IK: variants seen among roughly 807,000 people sequenced by gnomAD.
IK encodes the protein protein Red.
Under a neutral mutation model 90.9 loss-of-function variants are expected in IK, and 47 were observed. The observed-to-expected ratio is 0.52, with a 90% CI of 0.41 to 0.66. The LOEUF (loss-of-function observed/expected upper bound fraction) is 0.66. Ranked by LOEUF, IK falls within the 30% of genes least tolerant of loss-of-function variation. IK has a pLI of 0.00. For missense variants in IK, 385 were observed against 709.3 expected, an observed-to-expected ratio of 0.54 and a Z score of 5.19; for synonymous variants, 201 against 227.5, an observed-to-expected ratio of 0.88 and a Z score of 1.05.
Position 140,652,104 on chromosome 5 carries a change from A to G in IK, c.193A>G (p.Asn65Asp), listed in dbSNP as rs764096987. 37 of 1,613,508 alleles carry G rather than the reference A, an allele frequency of 2.3e-5. No homozygotes were observed. The highest frequency in any genetic ancestry group is 3.0e-5 in the Non-Finnish European group (35 of 1,179,586). ...CTCTTCTAGGATGCCAAGGGAGTAC[A>G]ATGAGGATGAAGACCCAGCTGCACG... ...SRHHEMPREY[N>D]EDEDPAARRR... The change falls in exon 4 of 20, where the codon AAT (asparagine) becomes GAT (aspartate). Residue 65 changes from asparagine to aspartate, a missense_variant. Coordinates refer to ENST00000417647, the MANE Select transcript of IK (RefSeq NM_006083.4).
chr5:140,648,670 G>A, intron 2 of IK, 133 bp downstream of exon 2: 1 of 876,748 alleles, frequency 1.1e-6, no homozygotes, highest in Non-Finnish European at 1.9e-6. Flanking sequence ...CTTTATCTCT[G>A]TGAGCCTTAA....
chr5:140,651,575 CA>C (rs35439932), intron 2 of IK, 138 bp from the exon 3 acceptor site: 22,460 of 445,838 alleles, frequency 0.05, no homozygotes, highest in South Asian at 0.073. Flanking sequence ...GACTCCGTCT[CA>C]AAAAAAAAAA....
At chr5:140,654,851 AGT>A (rs1282425929) in intron 8 of IK, 124 bp downstream of exon 8, 1 of 722,266 alleles carries the variant, frequency 1.4e-6, no homozygotes, top group African/African-American at 1.8e-5. Context: ...TTTTTGAGAC[AGT>A]GTCTCACTTA....
chr5:140,648,040 G>GTGTGTGTA (rs1368508401), intron 1 of IK, 116 bp downstream of exon 1: 5 of 763,252 alleles, frequency 6.6e-6, no homozygotes, highest in Middle Eastern at 2.9e-4. Flanking sequence ...GTGTGTGTGT[G>GTGTGTGTA]TGTGTATGTA....
intron 9 of IK, among the ~76,000 whole-genome samples, chr5:140,657,181 C>T (rs1398113713): frequency 9.9e-5 from 15 of 152,134 alleles, no homozygotes; most frequent in African/African-American, 2.4e-4. Flanking sequence ...CTAGCCTGGG[C>T]GACAGAATGA....
At chr5:140,648,180 C>T (rs774329678) in intron 1 of IK, 3 of 705,412 alleles carry the variant, frequency 4.3e-6, no homozygotes, top group Non-Finnish European at 7.8e-6. Flanking sequence ...GATCGCTTTC[C>T]CCCAGTCCTG....
chr5:140,658,637 C>A, intron 10 of IK, 100 bp from the exon 11 acceptor site: 1 of 1,030,868 alleles, frequency 9.7e-7, no homozygotes, highest in Non-Finnish European at 1.5e-6. Context: ...ACGTTTTAAA[C>A]AGAAGATGTT....
chr5:140,658,209 T>C (rs549903683), intron 10 of IK, among the ~76,000 whole-genome samples: 4 of 152,310 alleles, frequency 2.6e-5, no homozygotes, highest in African/African-American at 9.6e-5. Flanking sequence ...TTTCACTGTA[T>C]TGGCCTGGCT....
At position 140,658,949 on chromosome 5, in the gene IK, G is replaced by C. The variant is rs1244447241; in HGVS notation, c.961G>C (p.Asp321His). The C allele has an allele frequency of 6.2e-7, 1 of 1,613,772 alleles. No individual in the cohort carries two copies. Among genetic ancestry groups the C allele is most frequent in the Admixed American group, 1.7e-5 (1 of 59,994 alleles). ...PPEADMNIFE[D>H]IGDYVPSTTK... ...TCTCCATTTTCCCAGTATTTTTGAA[G>C]ACATTGGGGATTACGTACCCTCCAC... Residue 321 changes from aspartate to histidine, a missense_variant, in exon 12 of 20, where the codon GAC (aspartate) becomes CAC (histidine). Transcript: ENST00000417647.
At chr5:140,655,748 G>A in intron 8 of IK, 81 bp from the exon 9 acceptor site, 1 of 1,414,022 alleles carries the variant, frequency 7.1e-7, no homozygotes, top group South Asian at 1.3e-5. Flanking sequence ...CACTTGGCAT[G>A]GTGGCTAGCA....
Position 140,648,526 on chromosome 5 carries a change from C to T in IK, c.72C>T (p.His24=). Residue 24 remains histidine (H), a synonymous_variant, in exon 2 of 20, where the codon CAC becomes CAT. Transcript: ENST00000417647. ...APDGHDVDDP[H]SFHQSKLTNE... ...ATGGCCACGATGTGGATGATCCTCA[C>T]TCCTTCCACCAGTGAGTATTTTGTG... The T allele has an allele frequency of 6.2e-7, 1 of 1,613,912 alleles. No homozygotes were observed. Among genetic ancestry groups the T allele is most frequent in the Non-Finnish European group, 8.5e-7 (1 of 1,179,764 alleles).
At chr5:140,659,911 C>A in intron 14 of IK, 77 bp downstream of exon 14, 1 of 1,055,600 alleles carries the variant, frequency 9.5e-7, no homozygotes, top group Non-Finnish European at 1.4e-6. Flanking sequence ...CTCCCTGCTC[C>A]CTCCTACCCT....
At chr5:140,659,241 GT>G in intron 12 of IK, 73 bp from the exon 13 acceptor site, 1 of 1,612,744 alleles carries the variant, frequency 6.2e-7, no homozygotes. Flanking sequence ...GTAAGGAATT[GT>G]TTCAAACTTG....
chr5:140,649,370 G>A (rs1236811227), intron 2 of IK, among the ~76,000 whole-genome samples: 3 of 136,554 alleles, frequency 2.2e-5, no homozygotes, highest in Non-Finnish European at 4.9e-5. Context: ...CACCATGCAC[G>A]ACTGATTTTT....
intron 5 of IK, 123 bp downstream of exon 5, chr5:140,653,267 C>T: frequency 1.3e-6 from 1 of 754,788 alleles, no homozygotes; most frequent in Non-Finnish European, 2.1e-6. Context: ...GAGGCATTTG[C>T]CACCCACAAA....
At position 140,654,670 on chromosome 5, in the gene IK, T is replaced by G; in HGVS notation, c.591-11T>G. On this transcript the variant is annotated splice_polypyrimidine_tract_variant and intron_variant, in intron 7 of 19. Coordinates refer to ENST00000417647, the MANE Select transcript of IK (RefSeq NM_006083.4). ...ACATTTAGCAAAAATAAAACTTTTT[T>G]GTCTTTTCAGGAAAGATGAGGATCC... 6.2e-7 allele frequency: 1 copy of G among 1,600,686 alleles called. No individual in the cohort carries two copies. Among genetic ancestry groups the G allele is most frequent in the Non-Finnish European group, 8.5e-7 (1 of 1,171,884 alleles).
intron 10 of IK, among the ~76,000 whole-genome samples, chr5:140,658,064 A>ATGTC (rs1390133724): frequency 6.6e-6 from 1 of 152,142 alleles, no homozygotes; most frequent in Non-Finnish European, 1.5e-5. Context: ...CAGTGGTGCG[A>ATGTC]TGTCTGCTCA....
intron 2 of IK, 143 bp downstream of exon 2, chr5:140,648,680 A>C (rs1173893052): frequency 2.5e-6 from 2 of 813,976 alleles, no homozygotes; most frequent in Non-Finnish European, 4.2e-6. Flanking sequence ...GTGAGCCTTA[A>C]CTGGATCAGG....
intron 9 of IK, 126 bp downstream of exon 9, chr5:140,656,118 A>C: frequency 1.3e-4 from 102 of 776,534 alleles, no homozygotes; most frequent in Non-Finnish European, 1.8e-4. Flanking sequence ...CCTAAATCTC[A>C]ACTGAATCCA....
Sources: allele counts gnomAD v4.1 joint callset (sites outside exome capture counted in the v4.1 genomes callset), GRCh38; gene constraint gnomAD v4.1.1; transcripts MANE v1.5; gene names NCBI Gene and HGNC (gene_info 2026-07-23, HGNC 2026-07-21).